The following DBNDD2 variants were observed in gnomAD, a reference collection of about 807,000 sequenced individuals.
DBNDD2 encodes dysbindin domain containing 2, also known as dysbindin domain-containing protein 2.
Under a neutral mutation model 14.0 loss-of-function variants are expected in DBNDD2, and 8 were observed. The ratio of observed to expected loss-of-function variants is 0.57; its 90% confidence interval spans 0.33 to 1.03. DBNDD2 has a LOEUF of 1.03. Among genes scored for constraint, DBNDD2 ranks in the 50% least tolerant of loss-of-function variants. The pLI is 0.03. For missense variants in DBNDD2, 194 were observed against 206.0 expected, an observed-to-expected ratio of 0.94 and a Z score of 0.36; for synonymous variants, 94 against 85.3, an observed-to-expected ratio of 1.10 and a Z score of -0.56.
rs1600792751 is a variant in DBNDD2 at position 45,409,914 on chromosome 20, G to A, written c.278-18G>A. On this transcript the variant is annotated intron_variant, in intron 2 of 2. Transcript: ENST00000372710. ...TGAAGCCCTGTTTGTGGCCTGACCAGCTTTTCTCTCTGGGCAGGGATGGAC... is the reference window on the plus strand; with the variant it reads ...TGAAGCCCTGTTTGTGGCCTGACCAACTTTTCTCTCTGGGCAGGGATGGAC... The A allele has an allele frequency of 6.4e-7, 1 of 1,551,580 alleles. No individual in the cohort carries two copies. The highest frequency in any genetic ancestry group is 1.2e-5 in the South Asian group (1 of 84,048).
upstream of DBNDD2, chr20:45,406,861 G>A: frequency 8.5e-7 from 1 of 1,180,046 alleles, no homozygotes; most frequent in Non-Finnish European, 1.1e-6. Context: ...CCCTTTTTAG[G>A]GAATTTTTTC....
In DBNDD2 at chr20:45,410,101, A is replaced by G. The variant is rs778502357; in HGVS notation, c.447A>G (p.Glu149=). Reference sequence around the variant, plus strand: ...TGGCACAGTCGGATGAAGAGGAGGAAAGGGGTGATGGAGGGGCAGAGCCTG... The same window carrying G: ...TGGCACAGTCGGATGAAGAGGAGGAGAGGGGTGATGGAGGGGCAGAGCCTG... ...TPLAQSDEEE[E]RGDGGAEPGA... Residue 149 remains glutamate (E), a synonymous_variant, in exon 3 of 3, where the codon GAA becomes GAG. Coordinates refer to ENST00000372710, the MANE Select transcript of DBNDD2 (RefSeq NM_001048225.4). 8.4e-6 allele frequency: 13 copies of G among 1,552,936 alleles called. No individual in the cohort carries two copies.
upstream of DBNDD2, chr20:45,407,526 G>A (rs557200260): frequency 7.4e-5 from 73 of 986,014 alleles, no homozygotes; most frequent in African/African-American, 1.1e-3. Context: ...GGGAATGAAT[G>A]CACCGACCTG....
upstream of DBNDD2, chr20:45,406,492 T>G (rs951351675): frequency 1.3e-6 from 2 of 1,526,344 alleles, no homozygotes; most frequent in South Asian, 2.4e-5. Flanking sequence ...GAAGTACCAG[T>G]AGCCGCGCTC....
At chr20:45,409,098 G>C in intron 2 of DBNDD2, 160 bp downstream of exon 2, 1 of 1,472,096 alleles carries the variant, frequency 6.8e-7, no homozygotes, top group South Asian at 1.2e-5. Flanking sequence ...TTTTAGGGAA[G>C]TTGACCCTGA....
rs979276147 is a variant in DBNDD2 at position 45,410,466 on chromosome 20, T to C, written c.*326T>C. 1 of 338,162 alleles carries C rather than the reference T, an allele frequency of 3.0e-6. No individual in the cohort carries two copies. Among genetic ancestry groups the C allele is most frequent in the African/African-American group, 2.1e-5 (1 of 47,852 alleles). 20.9% of individuals were successfully genotyped at this position (338,162 alleles called of 1,614,324 possible). A position where few individuals can be genotyped will look rare whatever the true frequency, so the allele number is the denominator to read the frequency against. ...CCTAAACCATCCCGTAGTCTTCTAA[T>C]ACAGTCTCTCAGACAAGTGTCTCTA... On this transcript the variant is annotated 3_prime_UTR_variant, in exon 3 of 3. Transcript: ENST00000372710.
chr20:45,406,522 G>T (rs1463041782), upstream of DBNDD2: 4 of 1,522,130 alleles, frequency 2.6e-6, no homozygotes, highest in Non-Finnish European at 3.5e-6. Flanking sequence ...GCCTCCGACC[G>T]CCGGGCGAGC....
At chr20:45,406,497 G>C, upstream of DBNDD2, 4 of 1,527,364 alleles carry the variant, frequency 2.6e-6, no homozygotes, top group South Asian at 2.4e-5. Flanking sequence ...ACCAGTAGCC[G>C]CGCTCGCAGG....
intron 2 of DBNDD2, among the ~76,000 whole-genome samples, chr20:45,409,212 A>G (rs559163470): frequency 6.6e-6 from 1 of 152,376 alleles, no homozygotes; most frequent in African/African-American, 2.4e-5. Flanking sequence ...CTATAATTAA[A>G]ATAATGTAAA....
At chr20:45,407,778 A>T, upstream of DBNDD2, 1 of 1,022,280 alleles carries the variant, frequency 9.8e-7, no homozygotes, top group Non-Finnish European at 1.2e-6. Context: ...TATTTGAGGC[A>T]GGTAGGTTGG....
upstream of DBNDD2, chr20:45,406,750 G>C (rs1262715475): frequency 1.6e-6 from 2 of 1,265,792 alleles, no homozygotes; most frequent in Non-Finnish European, 2.0e-6. Context: ...CTCCGGCGGC[G>C]GTGGGCGCAG....
At chr20:45,406,428 T>C (rs1989383261), upstream of DBNDD2, 2 of 1,517,306 alleles carry the variant, frequency 1.3e-6, no homozygotes, top group Non-Finnish European at 8.8e-7. Context: ...TGCAGAGGAG[T>C]CCGGCTGGGC....
rs1157921315 is a variant in DBNDD2 at position 45,408,499 on chromosome 20, G to A, written c.32G>A (p.Arg11His). 8.1e-6 allele frequency: 13 copies of A among 1,614,120 alleles called. No individual in the cohort carries two copies. In the East Asian group the frequency reaches 2.2e-4, roughly 28 times the overall value. ...CCAAATCCTCGGGCCGCCCTGGAGC[G>A]CCAGCAGCTCCGCCTTCGGGAGCGG... MDPNPRAALE[R>H]QQLRLRERQK... Residue 11 changes from arginine (R) to histidine (H), a missense_variant, in exon 1 of 3, where the codon CGC becomes CAC. Transcript: ENST00000372710.
chr20:45,408,034 C>G (rs932824125), upstream of DBNDD2: 1 of 1,438,676 alleles, frequency 7.0e-7, no homozygotes, highest in African/African-American at 1.4e-5. Flanking sequence ...ACCCTCCACC[C>G]TGAGATCTCT....
At chr20:45,407,409 G>A (rs1003413602), upstream of DBNDD2, 15 of 985,822 alleles carry the variant, frequency 1.5e-5, no homozygotes, top group African/African-American at 3.5e-5. Context: ...GTGCAGATGA[G>A]GTGGGGAAGG....
chr20:45,409,562 G>A (rs996839694), intron 2 of DBNDD2, among the ~76,000 whole-genome samples: 4 of 152,208 alleles, frequency 2.6e-5, no homozygotes, highest in Non-Finnish European at 5.9e-5. Flanking sequence ...CATTTTATAA[G>A]CATTCTTAGG....
upstream of DBNDD2, chr20:45,407,104 G>A (rs1989471793): frequency 5.8e-6 from 1 of 172,936 alleles, no homozygotes; most frequent in African/African-American, 2.4e-5. Context: ...GGAAAAGAGA[G>A]GGGGTGTCCC....
In DBNDD2 at chr20:45,410,341, C is replaced by T. The variant is rs1002402276; in HGVS notation, c.*201C>T. 5 of 642,672 alleles carry T rather than the reference C, an allele frequency of 7.8e-6. No homozygotes were observed. The highest frequency in any genetic ancestry group is 2.0e-5 in the South Asian group (1 of 50,888). The allele number at this position is 642,672 out of a possible 1,614,324, so 39.8% of individuals were successfully genotyped here. Reference sequence around the variant, plus strand: ...TAATTTTTTCCTGCTGCAACCCTCCCACCAGTTTTTGGCTTACTCCTGAGA... The same window carrying T: ...TAATTTTTTCCTGCTGCAACCCTCCTACCAGTTTTTGGCTTACTCCTGAGA... On this transcript the variant is annotated 3_prime_UTR_variant, in exon 3 of 3. Transcript: ENST00000372710.
chr20:45,409,391 G>A (rs1391378318), intron 2 of DBNDD2, among the ~76,000 whole-genome samples: 1 of 152,064 alleles, frequency 6.6e-6, no homozygotes, highest in Admixed American at 6.6e-5. Context: ...TATTTTATAA[G>A]CAGGAAATTA....
Sources: gnomAD v4.1 joint callset for allele counts (sites outside exome capture counted in the v4.1 genomes callset) on GRCh38, gnomAD v4.1.1 for gene constraint, MANE v1.5 for transcripts, NCBI Gene and HGNC (gene_info 2026-07-23, HGNC 2026-07-21) for gene names.